Variants in TUSC3 observed in about 807,000 individuals in gnomAD.
TUSC3 encodes the protein tumor suppressor candidate 3, also known as dolichyl-diphosphooligosaccharide--protein glycosyltransferase subunit TUSC3.
Under a neutral mutation model 44.8 loss-of-function variants are expected in TUSC3, and 45 were observed. That is an observed-to-expected ratio of 1.00 (90% CI 0.79 to 1.29). TUSC3 has a LOEUF of 1.29. TUSC3 is among the 50% of genes most tolerant of loss of function. TUSC3 has a pLI of 0.00. For missense variants in TUSC3, 519 were observed against 437.9 expected, an observed-to-expected ratio of 1.19 and a Z score of -1.65; for synonymous variants, 212 against 152.9, an observed-to-expected ratio of 1.39 and a Z score of -2.85.
chr8:15,474,534 G>GT (rs1800549093), intron 1 of TUSC3, among the ~76,000 whole-genome samples: 2 of 152,204 alleles, frequency 1.3e-5, no homozygotes, highest in Middle Eastern at 3.4e-3. Context: ...TGCTGACACA[G>GT]TAATTAAATC....
chr8:15,504,607 ATATATATATATATATTT>A (rs1334984619), intron 2 of TUSC3, among the ~76,000 whole-genome samples: 235 of 25,032 alleles, frequency 9.4e-3, no homozygotes, highest in Middle Eastern at 0.031. Flanking sequence ...ATATATATAT[ATATATATATATATATTT>A]TTTTTTTTTT....
At chr8:15,814,712 A>G in the TUSC3 span, among the ~76,000 whole-genome samples, 765 of 152,294 alleles carry the variant, frequency 5.0e-3, 6 homozygotes, top group African/African-American at 0.017. Flanking sequence ...GCGCAAATGA[A>G]AAACTTCAGC....
intron 1 of TUSC3, among the ~76,000 whole-genome samples, chr8:15,606,069 G>C (rs1004984801): frequency 6.6e-6 from 1 of 151,762 alleles, no homozygotes; most frequent in Admixed American, 6.6e-5. Context: ...TAACACCATG[G>C]GACGCAAACA....
At chr8:15,592,616 T>G (rs1162759688) in intron 1 of TUSC3, among the ~76,000 whole-genome samples, 1 of 152,214 alleles carries the variant, frequency 6.6e-6, no homozygotes, top group Non-Finnish European at 1.5e-5. Context: ...ATTGTGAGCT[T>G]CCTGAGGCCT....
chr8:15,754,682 G>A (rs192503932), intron 9 of TUSC3, among the ~76,000 whole-genome samples: 1 of 152,174 alleles, frequency 6.6e-6, no homozygotes, highest in East Asian at 1.9e-4. Context: ...AGCCCTCAGT[G>A]TCTTCGTTTT....
chr8:15,665,363 C>T (rs376778187), intron 5 of TUSC3, among the ~76,000 whole-genome samples: 1 of 151,512 alleles, frequency 6.6e-6, no homozygotes, highest in Non-Finnish European at 1.5e-5. Context: ...GTACAATTAG[C>T]AGTTGTGTCT....
At chr8:15,770,875 C>T (rs1054809608), downstream of TUSC3, among the ~76,000 whole-genome samples, 1 of 152,040 alleles carries the variant, frequency 6.6e-6, no homozygotes, top group African/African-American at 2.4e-5. Flanking sequence ...TTCAAACTTA[C>T]CAAATCTGAA....
intron 2 of TUSC3, among the ~76,000 whole-genome samples, chr8:15,507,834 CA>C (rs924165372): frequency 1.8e-4 from 27 of 151,744 alleles, no homozygotes; most frequent in African/African-American, 6.1e-4. Context: ...GCAAAGTGAA[CA>C]AAAAAAGATT....
chr8:15,718,991 C>A (rs1419544080), intron 6 of TUSC3, among the ~76,000 whole-genome samples: 4 of 151,964 alleles, frequency 2.6e-5, no homozygotes, highest in African/African-American at 9.7e-5. Flanking sequence ...CTTCTTACCA[C>A]CTGCTCCAGG....
intron 1 of TUSC3, among the ~76,000 whole-genome samples, chr8:15,589,213 C>A (rs1585130441): frequency 1.3e-5 from 2 of 152,144 alleles, no homozygotes; most frequent in Non-Finnish European, 2.9e-5. Flanking sequence ...TTACAGGTGA[C>A]ACAAGTTTTT....
At chr8:15,472,677 C>G (rs1001133615) in intron 1 of TUSC3, among the ~76,000 whole-genome samples, 8 of 152,004 alleles carry the variant, frequency 5.3e-5, no homozygotes, top group Admixed American at 2.6e-4. Flanking sequence ...CATAGTTTGC[C>G]CAAGACTCCC....
the TUSC3 span, among the ~76,000 whole-genome samples, chr8:15,829,358 T>C: frequency 1.3e-5 from 2 of 152,224 alleles, no homozygotes; most frequent in South Asian, 2.1e-4. Flanking sequence ...TACTGTCAAA[T>C]TGCCTTGCAA....
intron 6 of TUSC3, among the ~76,000 whole-genome samples, chr8:15,725,439 A>G (rs1810461243): frequency 6.6e-6 from 1 of 152,194 alleles, no homozygotes; most frequent in Non-Finnish European, 1.5e-5. Flanking sequence ...GACTTGCATA[A>G]ATTTACAAAA....
chr8:15,748,224 A>C, intron 8 of TUSC3, 151 bp from the exon 9 acceptor site: 1 of 670,616 alleles, frequency 1.5e-6, no homozygotes, highest in Middle Eastern at 4.1e-4. Flanking sequence ...CACATTGGAT[A>C]CCTGTATCCA....
intron 2 of TUSC3, among the ~76,000 whole-genome samples, chr8:15,526,370 A>T (rs1344404786): frequency 6.6e-6 from 1 of 152,128 alleles, no homozygotes; most frequent in Admixed American, 6.5e-5. Context: ...TTCTATACAG[A>T]GGGAAACTAG....
the TUSC3 span, among the ~76,000 whole-genome samples, chr8:15,822,615 C>T: frequency 6.6e-6 from 1 of 152,060 alleles, no homozygotes; most frequent in Admixed American, 6.6e-5. Context: ...GAAGAGAAGG[C>T]TTCCAAGGAT....
intron 2 of TUSC3, among the ~76,000 whole-genome samples, chr8:15,508,489 G>T (rs1801089031): frequency 8.7e-6 from 1 of 114,892 alleles, no homozygotes; most frequent in African/African-American, 3.4e-5. Context: ...TTGAGAAGGA[G>T]TCTCTCTTGT....
At chr8:15,541,268 T>C (rs1222819715) in intron 1 of TUSC3, among the ~76,000 whole-genome samples, 1 of 152,226 alleles carries the variant, frequency 6.6e-6, no homozygotes, top group Non-Finnish European at 1.5e-5. Context: ...AGGTTGAGAT[T>C]TGAAGTGACT....
chr8:15,622,254 G>A (rs1805281422), intron 1 of TUSC3, among the ~76,000 whole-genome samples: 1 of 151,982 alleles, frequency 6.6e-6, no homozygotes, highest in Non-Finnish European at 1.5e-5. Context: ...GCTTGTTCAA[G>A]TAAGATGAAT....
Sources: allele counts gnomAD v4.1 joint callset (sites outside exome capture counted in the v4.1 genomes callset), GRCh38; gene constraint gnomAD v4.1.1; transcripts MANE v1.5; gene names NCBI Gene and HGNC (gene_info 2026-07-23, HGNC 2026-07-21).